Variants in NEB observed in about 807,000 individuals in gnomAD.
The protein encoded by NEB is nemaline myopathy type 2.
NEB carries 512 observed loss-of-function variants against 952.2 expected under a neutral mutation model. That is an observed-to-expected ratio of 0.54 (90% CI 0.50 to 0.58). The LOEUF is 0.58. NEB is among the 20% of genes least tolerant of loss of function. The pLI is 0.00. For synonymous variants in NEB, 2,900 were observed against 3,149.8 expected, an observed-to-expected ratio of 0.92 and a Z score of 2.66; for missense variants, 8,428 against 9,231.1, an observed-to-expected ratio of 0.91 and a Z score of 3.56.
At chr2:151,556,785 G>A (rs949680645) in intron 124 of NEB, among the ~76,000 whole-genome samples, 7 of 151,880 alleles carry the variant, frequency 4.6e-5, no homozygotes, top group Admixed American at 2.0e-4. Flanking sequence ...ACCTCCTGTC[G>A]ACACTAGACA....
intron 174 of NEB, 102 bp from the exon 175 acceptor site, chr2:151,493,969 TAGTG>T (rs2152868271): frequency 1.1e-6 from 1 of 914,318 alleles, no homozygotes; most frequent in East Asian, 2.6e-5. Context: ...CTATTACTAT[TAGTG>T]AGAACACCTC....
At chr2:151,642,740 C>G (rs934857745) in intron 59 of NEB, 25 bp downstream of exon 59, 1 of 1,602,684 alleles carries the variant, frequency 6.2e-7, no homozygotes, top group Non-Finnish European at 8.5e-7. Context: ...GAAAATGTAT[C>G]ACGCACTATG....
At chr2:151,631,495 C>A (rs1031028303) in intron 65 of NEB, 149 bp from the exon 66 acceptor site, 2 of 852,832 alleles carry the variant, frequency 2.3e-6, no homozygotes, top group East Asian at 2.7e-5. Context: ...GAATTATGCT[C>A]AAAAATGACC....
At chr2:151,682,144 T>C (rs1232611344) in intron 29 of NEB, among the ~76,000 whole-genome samples, 1 of 152,134 alleles carries the variant, frequency 6.6e-6, no homozygotes, top group Admixed American at 6.6e-5. Flanking sequence ...AAAATAAATT[T>C]CTAGAAAAGA....
intron 65 of NEB, among the ~76,000 whole-genome samples, chr2:151,632,463 G>A (rs1574474587): frequency 6.6e-6 from 1 of 151,986 alleles, no homozygotes; most frequent in Admixed American, 6.6e-5. Flanking sequence ...ATCACCTGAG[G>A]TCAGGAGTTG....
chr2:151,710,022 G>A (rs2099739782), intron 11 of NEB, among the ~76,000 whole-genome samples: 1 of 152,210 alleles, frequency 6.6e-6, no homozygotes, highest in Admixed American at 6.5e-5. Flanking sequence ...TTAAGGGCCA[G>A]GAGCAGGGAA....
At position 151,614,510 on chromosome 2, in the gene NEB, C is replaced by A. The variant is rs1256861153; in HGVS notation, c.11367G>T (p.Met3789Ile). The A allele has an allele frequency of 1.2e-6, 2 of 1,613,906 alleles. No individual in the cohort carries two copies. Among genetic ancestry groups the A allele is most frequent in the South Asian group, 1.1e-5 (1 of 91,086 alleles). ...TCTTGGCCACATGGATGGACCACATCATCTTCGGGTCATCCTTAATGTTCC... is the reference window on the plus strand; with the variant it reads ...TCTTGGCCACATGGATGGACCACATAATCTTCGGGTCATCCTTAATGTTCC... ...GARNIKDDPKMMWSIHVAKIQ... is the reference protein window; with the variant it reads ...GARNIKDDPKIMWSIHVAKIQ... Residue 3789 changes from methionine (M) to isoleucine (I), a missense_variant, in exon 77 of 182, where the codon ATG becomes ATT. Coordinates refer to ENST00000397345, the MANE Select transcript of NEB (RefSeq NM_001164508.2).
Position 151,562,197 on chromosome 2 carries a change from G to T in NEB, c.18909C>A (p.Asp6303Glu), listed in dbSNP as rs1174034773. ...EILSDNVYKD[D>E]LNWLKGIGCY... ...AACCAATGCCTTTCAACCAATTCAG[G>T]TCATCTTTATACACATTCTGCAAGA... Residue 6303 changes from aspartate to glutamate, a missense_variant, in exon 121 of 182, where the codon GAC becomes GAA. Transcript: ENST00000397345. 9.3e-6 allele frequency: 15 copies of T among 1,612,400 alleles called. No individual in the cohort carries two copies. Among genetic ancestry groups the T allele is most frequent in the African/African-American group, 2.7e-5 (2 of 74,872 alleles).
In NEB at chr2:151,684,736, C is replaced by T; in HGVS notation, c.2835+42G>A. 4 of 1,474,418 alleles carry T rather than the reference C, an allele frequency of 2.7e-6. No homozygotes were observed. In the South Asian group the frequency reaches 5.6e-5, roughly 21 times the overall value. The allele number at this position is 1,474,418 out of a possible 1,614,324, so 91.3% of individuals were successfully genotyped here. On this transcript the variant is annotated intron_variant, in intron 28 of 181. Coordinates refer to ENST00000397345, the MANE Select transcript of NEB (RefSeq NM_001164508.2). Reference sequence around the variant, plus strand: ...CAACTTCAAAGTCCATTTCAGTTTCCATCTTTTTAAAAGAGGGGCTACAGA... The same window carrying T: ...CAACTTCAAAGTCCATTTCAGTTTCTATCTTTTTAAAAGAGGGGCTACAGA...
At chr2:151,634,511 G>A (rs892330737) in intron 64 of NEB, among the ~76,000 whole-genome samples, 9 of 151,944 alleles carry the variant, frequency 5.9e-5, no homozygotes, top group Non-Finnish European at 1.2e-4. Context: ...GCGTGGTGGC[G>A]GGCGCCTGTA....
At chr2:151,537,101 G>A (rs1264506197) in intron 141 of NEB, 31 bp downstream of exon 141, 2 of 1,393,964 alleles carry the variant, frequency 1.4e-6, no homozygotes, top group Non-Finnish European at 2.0e-6. Context: ...ATGTCGAATG[G>A]ATGAGGCCAA....
rs189617624 is a variant in NEB, at chr2:151,666,386, C to T, written c.4735G>A (p.Ala1579Thr). ...TGCTTGCCTTTGGCTTTCTCGTAGG[C>T]CTCCTTATATTTGCACTATTTGAAA... ...NIASDCKYKEAYEKAKGKQVG... is the reference protein window; with the variant it reads ...NIASDCKYKETYEKAKGKQVG... Residue 1579 changes from alanine to threonine, a missense_variant, in exon 41 of 182, where the codon GCC becomes ACC. Physicochemically the swap from Ala to Thr is moderately conservative, Grantham distance 58. Coordinates refer to ENST00000397345, the MANE Select transcript of NEB (RefSeq NM_001164508.2). The T allele has an allele frequency of 1.2e-6, 2 of 1,613,432 alleles. No individual in the cohort carries two copies. The highest frequency in any genetic ancestry group is 4.5e-5 in the East Asian group (2 of 44,862).
intron 153 of NEB, 60 bp from the exon 154 acceptor site, chr2:151,519,828 G>T: frequency 8.9e-7 from 1 of 1,129,226 alleles, no homozygotes; most frequent in South Asian, 1.2e-5. Flanking sequence ...GGGAATTGGG[G>T]AATAGTAGAA....
chr2:151,631,546 T>A (rs2098668009), intron 65 of NEB, among the ~76,000 whole-genome samples, 200 bp from the exon 66 acceptor site: 2 of 152,158 alleles, frequency 1.3e-5, no homozygotes, highest in Non-Finnish European at 2.9e-5. Flanking sequence ...TATCAAACAT[T>A]TCAGGTTATT....
rs369384031 is a variant in NEB, at chr2:151,729,581, A to T, written c.78+34T>A. 17 of 1,609,218 alleles carry T rather than the reference A, an allele frequency of 1.1e-5. No individual in the cohort carries two copies. In the African/African-American group the frequency reaches 2.1e-4, roughly 20 times the overall value. On this transcript the variant is annotated intron_variant, in intron 4 of 181. Coordinates refer to ENST00000397345, the MANE Select transcript of NEB (RefSeq NM_001164508.2). ...AGAAAGCTCTTCCTGCTTTAATGAG[A>T]ATGCAGTTTATGCAGCTGTGGGCTG...
chr2:151,709,707 G>T lies in NEB; in HGVS notation c.984C>A (p.Thr328=). 1 of 1,606,052 alleles carries T rather than the reference G, an allele frequency of 6.2e-7. No homozygotes were observed. The highest frequency in any genetic ancestry group is 8.5e-7 in the Non-Finnish European group (1 of 1,175,804). The change falls in exon 12 of 182, where the codon ACC becomes ACA. Residue 328 remains threonine (T), a synonymous_variant. Coordinates refer to ENST00000397345, the MANE Select transcript of NEB (RefSeq NM_001164508.2). ...NMKDQIYFMQ[T]ETPEYKMNKK... ...TATTCATTTTATACTCTGGTGTTTC[G>T]GTCTGCATGAAGTAGATCTGGTCTT...
Position 151,562,667 on chromosome 2 carries a change from G to A in NEB, c.18835C>T (p.Leu6279Phe), listed in dbSNP as rs375938655. The change falls in exon 120 of 182, where the codon CTT becomes TTT. Residue 6279 changes from leucine to phenylalanine, a missense_variant. Physicochemically the swap from Leu to Phe is conservative, Grantham distance 22. This residue lies in a region of NEB where 3,374 missense variants were observed against 3,651.5 expected (regional missense o/e 0.92). Coordinates refer to ENST00000397345, the MANE Select transcript of NEB (RefSeq NM_001164508.2). ...YRHYFHQWTS[L>F]LEEPNVIRVR... ...CGTATAACATTGGGTTCTTCCAGAAGAGACGTCCACTGGTGGAAATAGTGT... is the reference window on the plus strand; with the variant it reads ...CGTATAACATTGGGTTCTTCCAGAAAAGACGTCCACTGGTGGAAATAGTGT... 1 of 1,599,444 alleles carries A rather than the reference G, an allele frequency of 6.3e-7. No homozygotes were observed. Among genetic ancestry groups the A allele is most frequent in the Admixed American group, 1.7e-5 (1 of 59,652 alleles).
intron 124 of NEB, among the ~76,000 whole-genome samples, chr2:151,560,168 G>T (rs1400494110): frequency 1.3e-5 from 2 of 152,122 alleles, no homozygotes; most frequent in African/African-American, 2.4e-5. Context: ...CTATTTCATT[G>T]CTATAAAATA....
In NEB at chr2:151,655,217, T is replaced by C. The variant is rs540843525; in HGVS notation, c.6807+53A>G. Reference sequence around the variant, plus strand: ...CAGTATTTACTGTTACATTATTTTATAAGTTCATAAGTTTCAATACAAAAC... The same window carrying C: ...CAGTATTTACTGTTACATTATTTTACAAGTTCATAAGTTTCAATACAAAAC... On this transcript the variant is annotated intron_variant, in intron 51 of 181. Transcript: ENST00000397345. The C allele has an allele frequency of 6.8e-5, 71 of 1,039,534 alleles. No individual in the cohort carries two copies. The African/African-American group carries it at 8.4e-4, about 12-fold the overall frequency. The allele number at this position is 1,039,534 out of a possible 1,614,324, so 64.4% of individuals were successfully genotyped here.
Sources: gnomAD v4.1 joint callset for allele counts (sites outside exome capture counted in the v4.1 genomes callset) on GRCh38, gnomAD v4.1.1 for gene constraint, gnomAD v4.1.1 regional missense constraint, MANE v1.5 for transcripts, NCBI Gene and HGNC (gene_info 2026-07-23, HGNC 2026-07-21) for gene names.